Variants in FUBP1 observed in about 807,000 individuals in gnomAD.
FUBP1 encodes far upstream element binding protein 1, also known as far upstream element-binding protein 1.
In FUBP1, 16 loss-of-function variants were observed where a neutral mutation model predicts 94.9. The observed-to-expected ratio is 0.17, with a 90% CI of 0.11 to 0.26. The LOEUF (loss-of-function observed/expected upper bound fraction) is 0.26, where lower values mean the gene tolerates loss of function less well. Among genes scored for constraint, FUBP1 ranks in the 10% least tolerant of loss-of-function variants. The pLI, the probability that FUBP1 is intolerant of heterozygous loss-of-function variation, is 1.00. For synonymous variants in FUBP1, 279 were observed against 254.9 expected (o/e 1.09, Z -0.90); for missense variants, 583 against 808.6 (o/e 0.72, Z 3.38).
chr1:77,949,310 A>T lies in FUBP1; in HGVS notation c.1781-10T>A. On this transcript the variant is annotated splice_polypyrimidine_tract_variant and intron_variant, in intron 18 of 19. Transcript: ENST00000370768. The stretch of plus-strand genomic sequence containing the variant: ...GCAGGAACTGCCTGACCTTTGAAAA[A>T]AAAGAACTTTGTTGCTGTAACCACA... The T allele has an allele frequency of 6.2e-7, 1 of 1,611,220 alleles. No homozygotes were observed. Among genetic ancestry groups the T allele is most frequent in the Non-Finnish European group, 8.5e-7 (1 of 1,178,428 alleles).
chr1:77,958,682 T>G (rs1433692999), intron 16 of FUBP1, among the ~76,000 whole-genome samples: 2 of 152,118 alleles, frequency 1.3e-5, no homozygotes, highest in African/African-American at 2.4e-5. Context: ...AGTGAGAAAT[T>G]CAACTTGTGA....
intron 1 of FUBP1, among the ~76,000 whole-genome samples, chr1:77,975,479 T>C (rs982015750): frequency 1.3e-5 from 2 of 152,122 alleles, no homozygotes; most frequent in Admixed American, 1.3e-4. Flanking sequence ...GCAGCCTAAA[T>C]CACTTTTATA....
In FUBP1 at chr1:77,968,188, T is replaced by C; in HGVS notation, c.227A>G (p.Lys76Arg). 6.5e-7 allele frequency: 1 copy of C among 1,542,610 alleles called. No homozygotes were observed. The highest frequency in any genetic ancestry group is 8.7e-7 in the Non-Finnish European group (1 of 1,152,230). Reference sequence around the variant, plus strand: ...ACAGTCATTTTGAGGAGCAACTTTCTTAGCATCTGGTTGATCTGCAAAATT... The same window carrying C: ...ACAGTCATTTTGAGGAGCAACTTTCCTAGCATCTGGTTGATCTGCAAAATT... ...PLEDGDQPDA[K>R]KVAPQNDSFG... The change falls in exon 3 of 20, where the codon AAG becomes AGG. Residue 76 changes from lysine (K) to arginine (R), a missense_variant. Transcript: ENST00000370768.
In FUBP1 at chr1:77,956,710, A is replaced by G. The variant is rs1654523170; in HGVS notation, c.1577-10T>C. The G allele has an allele frequency of 6.2e-7, 1 of 1,607,542 alleles. No homozygotes were observed. The highest frequency in any genetic ancestry group is 8.5e-7 in the Non-Finnish European group (1 of 1,175,042). ...TCCGTTCCTGCCTTAGCTAAAATAAATGAAAGTTCAAGGTTTGCATGTGAA... is the reference window on the plus strand; with the variant it reads ...TCCGTTCCTGCCTTAGCTAAAATAAGTGAAAGTTCAAGGTTTGCATGTGAA... On this transcript the variant is annotated splice_polypyrimidine_tract_variant and intron_variant, in intron 16 of 19. Coordinates refer to ENST00000370768, the MANE Select transcript of FUBP1 (RefSeq NM_003902.5).
intron 16 of FUBP1, among the ~76,000 whole-genome samples, chr1:77,958,769 C>T (rs928305581): frequency 2.0e-5 from 3 of 152,150 alleles, no homozygotes; most frequent in Non-Finnish European, 4.4e-5. Flanking sequence ...CTCAAAAATA[C>T]AATCCTGGCA....
chr1:77,955,280 A>C lies in FUBP1; in HGVS notation c.1755T>G (p.Ala585=). ...CCATTTTCTTGTAGTACTCTTCCCA[A>C]GCCTTGGTATAATCAACCTGTCCAG... is the stretch of plus-strand genomic sequence containing the variant. The part of the protein sequence containing the change: ...APAGQVDYTK[A]WEEYYKKMGQ... The change falls in exon 18 of 20, where the codon GCT becomes GCG. Residue 585 remains alanine, a synonymous_variant. Transcript: ENST00000370768. 1 of 1,520,690 alleles carries C rather than the reference A, an allele frequency of 6.6e-7. No individual in the cohort carries two copies. Among genetic ancestry groups the C allele is most frequent in the Non-Finnish European group, 9.1e-7 (1 of 1,094,804 alleles). The allele number at this position is 1,520,690 out of a possible 1,614,324, so 94.2% of individuals were successfully genotyped here.
chr1:77,954,466 A>G (rs1654070159), intron 18 of FUBP1, among the ~76,000 whole-genome samples: 1 of 152,232 alleles, frequency 6.6e-6, no homozygotes, highest in East Asian at 1.9e-4. Context: ...CCAGTTGTGC[A>G]AAACAACTTT....
At chr1:77,961,320 T>C (rs1655438738) in intron 14 of FUBP1, among the ~76,000 whole-genome samples, 1 of 152,226 alleles carries the variant, frequency 6.6e-6, no homozygotes, top group Admixed American at 6.5e-5. Flanking sequence ...CACTGCAAAA[T>C]AGGGAAACTA....
intron 2 of FUBP1, 39 bp from the exon 3 acceptor site, chr1:77,968,242 G>A: frequency 1.7e-6 from 2 of 1,194,908 alleles, no homozygotes; most frequent in Non-Finnish European, 2.4e-6. Context: ...TGCCAATTAA[G>A]TACAAAGCTT....
chr1:77,978,870 G>A lies in FUBP1; in HGVS notation c.120+15C>T, dbSNP rs2102561314. On this transcript the variant is annotated intron_variant, in intron 1 of 19. Coordinates refer to ENST00000370768, the MANE Select transcript of FUBP1 (RefSeq NM_003902.5). ...CCGTGAGCTTTCGGGATTCCGCCGCGCGGTCCACACTTACCTGCCGGGCTC... is the reference window on the plus strand; with the variant it reads ...CCGTGAGCTTTCGGGATTCCGCCGCACGGTCCACACTTACCTGCCGGGCTC... 6.2e-7 allele frequency: 1 copy of A among 1,613,660 alleles called. No homozygotes were observed. The highest frequency in any genetic ancestry group is 8.5e-7 in the Non-Finnish European group (1 of 1,179,942).
chr1:77,946,002 A>G lies in FUBP1; in HGVS notation c.*2764T>C, dbSNP rs764368608. 5.0e-5 allele frequency: 10 copies of G among 199,716 alleles called. No homozygotes were observed. Among genetic ancestry groups the G allele is most frequent in the Non-Finnish European group, 7.2e-5 (7 of 96,694 alleles). The allele number at this position is 199,716 out of a possible 1,614,324, so 12.4% of individuals were successfully genotyped here. On this transcript the variant is annotated 3_prime_UTR_variant, in exon 20 of 20. Transcript: ENST00000370768. The stretch of plus-strand genomic sequence containing the variant: ...TTATAACTTTTTCCTTCTTCAGCAT[A>G]TAACTTTTGTCTAAGAAAAAAATCA...
chr1:77,958,325 AGAG>A (rs1400445763), intron 16 of FUBP1, among the ~76,000 whole-genome samples: 2 of 152,248 alleles, frequency 1.3e-5, no homozygotes, highest in Non-Finnish European at 2.9e-5. Flanking sequence ...ACAGAGGCTT[AGAG>A]GAGTTCAAAA....
chr1:77,949,348 A>C, intron 18 of FUBP1, 48 bp from the exon 19 acceptor site: 1 of 1,486,016 alleles, frequency 6.7e-7, no homozygotes. Flanking sequence ...TATAAGCCCA[A>C]CATCTCATTT....
At chr1:77,951,848 C>A (rs1653532745) in intron 18 of FUBP1, among the ~76,000 whole-genome samples, 1 of 152,072 alleles carries the variant, frequency 6.6e-6, no homozygotes, top group Non-Finnish European at 1.5e-5. Context: ...TATAACTGTA[C>A]CTTTCCCACA....
Position 77,948,369 on chromosome 1 carries a change from C to T in FUBP1, c.*397G>A, listed in dbSNP as rs140460966. ...TTATCATTGCTAAGAAATTATGAAT[C>T]CTTTAAATACCCACATATCCAACTT... On this transcript the variant is annotated 3_prime_UTR_variant, in exon 20 of 20. Transcript: ENST00000370768. 14 of 1,058,216 alleles carry T rather than the reference C, an allele frequency of 1.3e-5. No individual in the cohort carries two copies. The highest frequency in any genetic ancestry group is 4.2e-4 in the Middle Eastern group (1 of 2,406). 65.6% of individuals were successfully genotyped at this position (1,058,216 alleles called of 1,614,324 possible).
intron 2 of FUBP1, chr1:77,969,178 A>T (rs1478569587): frequency 5.4e-6 from 2 of 373,150 alleles, no homozygotes; most frequent in East Asian, 1.7e-4. Flanking sequence ...TATAAATATG[A>T]AAGACACTTA....
intron 1 of FUBP1, among the ~76,000 whole-genome samples, chr1:77,971,299 A>G (rs1209834361): frequency 3.3e-5 from 5 of 152,218 alleles, no homozygotes; most frequent in Admixed American, 2.6e-4. Flanking sequence ...AATTTTGAGT[A>G]TATTTGAAAT....
At chr1:77,979,104 C>T (rs1057222268), upstream of FUBP1, 53 of 1,201,502 alleles carry the variant, frequency 4.4e-5, no homozygotes, top group Non-Finnish European at 5.7e-5. Flanking sequence ...CTATTACATT[C>T]TTGCGCGACC....
rs769816443 is a variant in FUBP1, at chr1:77,967,577, C to T, written c.290+50G>A. 2.8e-6 allele frequency: 4 copies of T among 1,447,910 alleles called. No individual in the cohort carries two copies. In the South Asian group the frequency reaches 3.7e-5, roughly 13 times the overall value. 89.7% of individuals were successfully genotyped at this position (1,447,910 alleles called of 1,614,324 possible). A position where few individuals can be genotyped will look rare whatever the true frequency, so the allele number is the denominator to read the frequency against. ...ACCAATGTGGTTGTGTTTTTACATA[C>T]AGCTCAACCAAAACTTGCAGAGTAC... On this transcript the variant is annotated intron_variant, in intron 4 of 19. Coordinates refer to ENST00000370768, the MANE Select transcript of FUBP1 (RefSeq NM_003902.5).
Sources: gnomAD v4.1 joint callset for allele counts (sites outside exome capture counted in the v4.1 genomes callset) on GRCh38, gnomAD v4.1.1 for gene constraint, MANE v1.5 for transcripts, NCBI Gene and HGNC (gene_info 2026-07-23, HGNC 2026-07-21) for gene names.